The following RIMS4 variants were observed in gnomAD, a reference collection of about 807,000 sequenced individuals.
RIMS4 encodes the protein regulating synaptic membrane exocytosis 4.
RIMS4 carries 9 observed loss-of-function variants against 29.0 expected under a neutral mutation model. The ratio of observed to expected loss-of-function variants is 0.31; its 90% CI spans 0.19 to 0.54. RIMS4 has a LOEUF of 0.54. Ranked by LOEUF, RIMS4 falls within the 20% of genes least tolerant of loss-of-function variation. The pLI, the probability that RIMS4 is intolerant of heterozygous loss-of-function variation, is 0.94. For synonymous variants in RIMS4, 130 were observed against 152.9 expected, an observed-to-expected ratio of 0.85 and a Z score of 1.10; for missense variants, 193 against 365.7, an observed-to-expected ratio of 0.53 and a Z score of 3.85.
chr20:44,769,617 G>C (rs1000290679), intron 2 of RIMS4, among the ~76,000 whole-genome samples: 1 of 152,114 alleles, frequency 6.6e-6, no homozygotes, highest in Non-Finnish European at 1.5e-5. Flanking sequence ...GAAAACACTG[G>C]CTCCCTTCCT....
intron 1 of RIMS4, among the ~76,000 whole-genome samples, chr20:44,783,354 GGCTCAC>G (rs1255499414): frequency 5.3e-5 from 8 of 152,356 alleles, no homozygotes; most frequent in African/African-American, 1.9e-4. Flanking sequence ...CGGGCATGGT[GGCTCAC>G]GCCTATAATC....
chr20:44,774,236 C>A (rs934303921), intron 1 of RIMS4, among the ~76,000 whole-genome samples: 3 of 152,162 alleles, frequency 2.0e-5, no homozygotes, highest in African/African-American at 4.8e-5. Context: ...TCCCTTTGTT[C>A]TGCTCTTCCT....
At chr20:44,762,613 C>T (rs2066090817) in intron 2 of RIMS4, among the ~76,000 whole-genome samples, 1 of 152,170 alleles carries the variant, frequency 6.6e-6, no homozygotes, top group Non-Finnish European at 1.5e-5. Context: ...TGGTAATTAG[C>T]GGTAATTGTT....
chr20:44,777,893 G>C (rs541543313), intron 1 of RIMS4, among the ~76,000 whole-genome samples: 46 of 152,170 alleles, frequency 3.0e-4, no homozygotes, highest in Non-Finnish European at 6.3e-4. Context: ...TGGGTGACTG[G>C]GTTATTTTAA....
rs529433156 is a variant in RIMS4, at chr20:44,808,930, T to C, written c.97+1245A>G. ...GTGCATATATGCACTTCGGGAGAGA[T>C]AGTCCATGTTTTCCTCAGAGACTTG... On this transcript the variant is annotated intron_variant, in intron 1 of 5. Coordinates refer to ENST00000372851, the MANE Select transcript of RIMS4 (RefSeq NM_182970.4). Among the ~76,000 whole-genome samples, 10 of 152,304 alleles carry C rather than the reference T, an allele frequency of 6.6e-5. No homozygotes were observed. In the East Asian group the frequency reaches 1.2e-3, roughly 18 times the overall value.
At chr20:44,803,291 A>C (rs1250466306) in intron 1 of RIMS4, among the ~76,000 whole-genome samples, 5 of 152,228 alleles carry the variant, frequency 3.3e-5, no homozygotes, top group Non-Finnish European at 7.3e-5. Context: ...CAGAGGTCAG[A>C]GCTCTGGATC....
intron 1 of RIMS4, among the ~76,000 whole-genome samples, chr20:44,780,856 G>C (rs750425625): frequency 6.6e-6 from 1 of 152,170 alleles, no homozygotes; most frequent in Non-Finnish European, 1.5e-5. Context: ...TGAAGTGAGT[G>C]AAAGCAAGAG....
intron 1 of RIMS4, among the ~76,000 whole-genome samples, chr20:44,805,193 C>A (rs969342888): frequency 6.6e-6 from 1 of 151,928 alleles, no homozygotes; most frequent in African/African-American, 2.4e-5. Context: ...GTAGTCCCAG[C>A]CACTTGGGAG....
chr20:44,775,102 C>T (rs751603497), intron 1 of RIMS4, among the ~76,000 whole-genome samples: 1 of 152,190 alleles, frequency 6.6e-6, no homozygotes, highest in South Asian at 2.1e-4. Context: ...ATCTATTGAA[C>T]ACCCTTTTGT....
Position 44,756,108 on chromosome 20 carries a change from T to C in RIMS4, c.*26A>G. On this transcript the variant is annotated 3_prime_UTR_variant, in exon 6 of 6. Transcript: ENST00000372851. This position sits in a 1 kb window ranked among gnomAD's most constrained non-coding sequence, Gnocchi z 5.9. ...AGGGCTGGGTGGTCTCCAGGCCATC[T>C]TGGGGAGCCCCTCCCCATTCCAGCA... 6.5e-7 allele frequency: 1 copy of C among 1,550,082 alleles called. No homozygotes were observed. Among genetic ancestry groups the C allele is most frequent in the Non-Finnish European group, 8.8e-7 (1 of 1,136,432 alleles).
At position 44,787,918 on chromosome 20, in the gene RIMS4, A is replaced by C. The variant is rs571201311; in HGVS notation, c.98-16505T>G. ...ATTTGTCAAGAGCCTATCAGGAATA[A>C]GGCACTTGTAGAATCGTATCTCATT... On this transcript the variant is annotated intron_variant, in intron 1 of 5. Coordinates refer to ENST00000372851, the MANE Select transcript of RIMS4 (RefSeq NM_182970.4). 5.3e-5 allele frequency among the ~76,000 whole-genome samples: 8 copies of C among 152,368 alleles called. No individual in the cohort carries two copies. The East Asian group carries it at 1.5e-3, about 29-fold the overall frequency.
intron 2 of RIMS4, 41 bp from the exon 3 acceptor site, chr20:44,758,225 G>T: frequency 6.9e-7 from 1 of 1,440,172 alleles, no homozygotes; most frequent in South Asian, 1.2e-5. Flanking sequence ...CATTCCCAGT[G>T]GTTTACCAAC....
chr20:44,752,313 G>A lies in RIMS4; in HGVS notation c.*3821C>T, dbSNP rs2066036999. On this transcript the variant is annotated 3_prime_UTR_variant, in exon 6 of 6. Coordinates refer to ENST00000372851, the MANE Select transcript of RIMS4 (RefSeq NM_182970.4). Reference sequence around the variant, plus strand: ...TCAATAAATAAATGCAGGTGACCTTGCCTGACGCAACAGCTGTGCCTCCAG... The same window carrying A: ...TCAATAAATAAATGCAGGTGACCTTACCTGACGCAACAGCTGTGCCTCCAG... The A allele has an allele frequency of 6.6e-6, 1 of 152,298 alleles. No homozygotes were observed. The highest frequency in any genetic ancestry group is 2.4e-5 in the African/African-American group (1 of 41,442). The allele number at this position is 152,298 out of a possible 1,614,324, so 9.4% of individuals were successfully genotyped here.
chr20:44,785,750 C>CT (rs969567189), intron 1 of RIMS4, among the ~76,000 whole-genome samples: 5,615 of 122,892 alleles, frequency 0.046, 240 homozygotes, highest in Admixed American at 0.15. Context: ...CATAGGTTTT[C>CT]TTTTTTTTTT....
rs34062472 is a variant in RIMS4, at chr20:44,755,994, G to A, written c.*140C>T. ...AGAAGGGGTGAGGAGGGGCCCAAGG[G>A]GGGGCAGGTCTCCCCGTTCTGCTTC... On this transcript the variant is annotated 3_prime_UTR_variant, in exon 6 of 6. Transcript: ENST00000372851. 6.6e-5 allele frequency: 46 copies of A among 693,188 alleles called. No homozygotes were observed. The highest frequency in any genetic ancestry group is 8.9e-5 in the African/African-American group (5 of 56,176). 42.9% of individuals were successfully genotyped at this position (693,188 alleles called of 1,614,324 possible). A position where few individuals can be genotyped will look rare whatever the true frequency, so the allele number is the denominator to read the frequency against.
chr20:44,752,323 A>G lies in RIMS4; in HGVS notation c.*3811T>C, dbSNP rs1330722190. On this transcript the variant is annotated 3_prime_UTR_variant, in exon 6 of 6. Coordinates refer to ENST00000372851, the MANE Select transcript of RIMS4 (RefSeq NM_182970.4). ...AATGCAGGTGACCTTGCCTGACGCA[A>G]CAGCTGTGCCTCCAGAGGGGGTGGG... 2 of 152,270 alleles carry G rather than the reference A, an allele frequency of 1.3e-5. No individual in the cohort carries two copies. The highest frequency in any genetic ancestry group is 2.9e-5 in the Non-Finnish European group (2 of 68,094). 9.4% of individuals were successfully genotyped at this position (152,270 alleles called of 1,614,324 possible).
chr20:44,764,211 C>CGTCCATCCATTT (rs1568895754), intron 2 of RIMS4, among the ~76,000 whole-genome samples: 4 of 150,692 alleles, frequency 2.7e-5, no homozygotes, highest in African/African-American at 7.4e-5. Context: ...TCCATCCATC[C>CGTCCATCCATTT]ACCCATCCAT....
At chr20:44,809,584 C>T (rs1433285688) in intron 1 of RIMS4, among the ~76,000 whole-genome samples, 4 of 152,202 alleles carry the variant, frequency 2.6e-5, no homozygotes, top group Non-Finnish European at 4.4e-5. Flanking sequence ...AAGGCCGTCA[C>T]CTGGCCGGTT....
rs1568892386 is a variant in RIMS4 at position 44,755,111 on chromosome 20, TG to T, written c.*1022del. 6.6e-6 allele frequency: 1 copy of T among 152,610 alleles called. No individual in the cohort carries two copies. Among genetic ancestry groups the T allele is most frequent in the African/African-American group, 2.4e-5 (1 of 41,434 alleles). 9.5% of individuals were successfully genotyped at this position (152,610 alleles called of 1,614,324 possible). On this transcript the variant is annotated 3_prime_UTR_variant, in exon 6 of 6. Coordinates refer to ENST00000372851, the MANE Select transcript of RIMS4 (RefSeq NM_182970.4). Reference sequence around the variant, plus strand: ...AGTGGGTTCTGCCCTTAGTATAGGATGTTTTTTTTAAAAAGACTAAAATAGG... The same window carrying T: ...AGTGGGTTCTGCCCTTAGTATAGGATTTTTTTTTAAAAAGACTAAAATAGG...
Sources: allele counts gnomAD v4.1 joint callset (sites outside exome capture counted in the v4.1 genomes callset), GRCh38; gene constraint gnomAD v4.1.1; non-coding constraint Gnocchi (gnomAD v3.1); transcripts MANE v1.5; gene names NCBI Gene and HGNC (gene_info 2026-07-23, HGNC 2026-07-21).